Variants in RGMA observed in about 807,000 individuals in gnomAD.
RGMA encodes the protein repulsive guidance molecule BMP co-receptor a.
RGMA carries 10 observed loss-of-function variants against 23.2 expected under a neutral mutation model. The observed-to-expected ratio is 0.43, with a 90% CI of 0.27 to 0.73. The LOEUF (loss-of-function observed/expected upper bound fraction) is 0.73, where lower values mean the gene tolerates loss of function less well. Ranked by LOEUF, RGMA falls within the 30% of genes least tolerant of loss-of-function variation. The pLI, the probability that RGMA is intolerant of heterozygous loss-of-function variation, is 0.20. For missense variants in RGMA, 547 were observed against 630.5 expected (o/e 0.87, Z 1.42); for synonymous variants, 308 against 279.3 (o/e 1.10, Z -1.03).
chr15:93,058,062 G>A (rs2055042198), intron 2 of RGMA, among the ~76,000 whole-genome samples: 1 of 152,132 alleles, frequency 6.6e-6, no homozygotes, highest in African/African-American at 2.4e-5. Context: ...AGAAACTCTG[G>A]GTCCTGAAGC....
chr15:93,036,046 T>C lies in RGMA; in HGVS notation c.*8952A>G, dbSNP rs1596467655. ...GGGCCCCCTCCCCACACTGCACGTGTAACTCGTGTTGTTACATATGTAAGT... is the reference window on the plus strand; with the variant it reads ...GGGCCCCCTCCCCACACTGCACGTGCAACTCGTGTTGTTACATATGTAAGT... On this transcript the variant is annotated 3_prime_UTR_variant, in exon 4 of 4. Transcript: ENST00000329082. 1 of 152,254 alleles carries C rather than the reference T, an allele frequency of 6.6e-6. No homozygotes were observed. Among genetic ancestry groups the C allele is most frequent in the African/African-American group, 2.4e-5 (1 of 41,444 alleles). 9.4% of individuals were successfully genotyped at this position (152,254 alleles called of 1,614,324 possible). A position where few individuals can be genotyped will look rare whatever the true frequency, so the allele number is the denominator to read the frequency against.
rs764968962 is a variant in RGMA, at chr15:93,052,109, G to C, written c.529C>G (p.Arg177Gly). The change falls in exon 3 of 4, where the codon CGC becomes GGC. Residue 177 changes from arginine to glycine, a missense_variant. Physicochemically the swap from Arg to Gly is moderately radical, Grantham distance 125. Transcript: ENST00000329082. ...CCCTGCACCTTGCAGGTCTGGAAGC[G>C]GTCGGTGAAAGTCCTGAGGTGTGGG... ...GDPHLRTFTD[R>G]FQTCKVQGAW... The C allele has an allele frequency of 6.2e-7, 1 of 1,613,800 alleles. No homozygotes were observed.
intron 2 of RGMA, among the ~76,000 whole-genome samples, chr15:93,067,562 G>T (rs941231593): frequency 2.0e-5 from 3 of 152,170 alleles, no homozygotes; most frequent in Non-Finnish European, 4.4e-5. Context: ...GGCGTCGGGG[G>T]GGTCTGCACT....
At chr15:93,065,042 A>T (rs1356226398) in intron 2 of RGMA, among the ~76,000 whole-genome samples, 2 of 149,684 alleles carry the variant, frequency 1.3e-5, no homozygotes, top group Non-Finnish European at 3.0e-5. Flanking sequence ...CAGCAGTGGG[A>T]TCTCGGCTCA....
At chr15:93,075,759 TAGG>T (rs1400028740) in intron 1 of RGMA, among the ~76,000 whole-genome samples, 1 of 152,162 alleles carries the variant, frequency 6.6e-6, no homozygotes, top group African/African-American at 2.4e-5. Context: ...GCTGCCTTTT[TAGG>T]AGGAGACCCC....
At chr15:93,051,207 G>C (rs1183302209) in intron 3 of RGMA, among the ~76,000 whole-genome samples, 1 of 152,226 alleles carries the variant, frequency 6.6e-6, no homozygotes, top group African/African-American at 2.4e-5. Flanking sequence ...AGGTCACCTC[G>C]CTGTCCTCCT....
intron 2 of RGMA, chr15:93,066,511 CGACT>C (rs1895158489): frequency 4.0e-6 from 2 of 494,362 alleles, no homozygotes; most frequent in Non-Finnish European, 3.8e-6. Flanking sequence ...GGGCCCGAGG[CGACT>C]CCGCCCCTGC....
chr15:93,066,383 A>G, intron 2 of RGMA: 1 of 699,494 alleles, frequency 1.4e-6, no homozygotes, highest in Non-Finnish European at 2.7e-6. Flanking sequence ...TGTTCGCGTG[A>G]CTCCAGGTGG....
chr15:93,084,974 T>G (rs1891883461), intron 1 of RGMA, among the ~76,000 whole-genome samples: 1 of 152,070 alleles, frequency 6.6e-6, no homozygotes, highest in African/African-American at 2.4e-5. Flanking sequence ...CCTAATCTTG[T>G]TTAAAGACAT....
At chr15:93,073,402 G>C (rs1346732575) in intron 1 of RGMA, among the ~76,000 whole-genome samples, 5 of 151,980 alleles carry the variant, frequency 3.3e-5, no homozygotes, top group Admixed American at 6.6e-5. Flanking sequence ...CACGCTCCCC[G>C]ACCCTCGCGC....
chr15:93,057,972 C>A (rs72767220), intron 2 of RGMA, among the ~76,000 whole-genome samples: 14,473 of 152,122 alleles, frequency 0.095, 779 homozygotes, highest in Middle Eastern at 0.22. Flanking sequence ...CTGCCTGTCA[C>A]AACCCCTTCC....
chr15:93,058,380 C>T (rs916013315), intron 2 of RGMA, among the ~76,000 whole-genome samples: 3 of 152,170 alleles, frequency 2.0e-5, no homozygotes, highest in Non-Finnish European at 1.5e-5. Flanking sequence ...CAGGCATGCA[C>T]GGGCACCTCA....
At position 93,081,558 on chromosome 15, in the gene RGMA, CT is replaced by C. The variant is rs1272129583; in HGVS notation, c.14+7360del. Among the ~76,000 whole-genome samples, 4 of 152,294 alleles carry C rather than the reference CT, an allele frequency of 2.6e-5. No homozygotes were observed. The South Asian group carries it at 8.3e-4, about 32-fold the overall frequency. ...GTAAAAGAGAACAGACCACACAGCG[CT>C]TATGTCTCCCCATTCCGGTAAGTTC... On this transcript the variant is annotated intron_variant, in intron 1 of 3. Transcript: ENST00000329082.
chr15:93,044,896 C>T lies in RGMA; in HGVS notation c.*102G>A. On this transcript the variant is annotated 3_prime_UTR_variant, in exon 4 of 4. Coordinates refer to ENST00000329082, the MANE Select transcript of RGMA (RefSeq NM_020211.3). The stretch of plus-strand genomic sequence containing the variant: ...GGCGGTCCCTGGCGTTCTGCGGGGC[C>T]ATGGTGGACACGCCAGGAGATCTGC... 2 of 987,128 alleles carry T rather than the reference C, an allele frequency of 2.0e-6. No homozygotes were observed. The highest frequency in any genetic ancestry group is 3.0e-6 in the Non-Finnish European group (2 of 674,102). The allele number at this position is 987,128 out of a possible 1,614,324, so 61.1% of individuals were successfully genotyped here.
intron 2 of RGMA, chr15:93,065,635 C>T (rs983624833): frequency 2.2e-6 from 2 of 911,368 alleles, no homozygotes; most frequent in African/African-American, 1.7e-5. Flanking sequence ...GGGCTGAGGT[C>T]TCAGGGGCTG....
intron 2 of RGMA, 82 bp downstream of exon 2, chr15:93,072,834 G>C: frequency 1.4e-6 from 2 of 1,461,024 alleles, no homozygotes; most frequent in Non-Finnish European, 9.3e-7. Context: ...ACTTGAGCCC[G>C]GACTCACTCG....
chr15:93,054,065 A>T (rs1251202933), intron 2 of RGMA, among the ~76,000 whole-genome samples: 1 of 151,964 alleles, frequency 6.6e-6, no homozygotes. Context: ...CCCCTTCTCT[A>T]CCAAAAATAC....
Position 93,089,057 on chromosome 15 carries a change from C to T in RGMA, c.-125G>A. ...TCCGCTGGCGCTGGTCCCCGCCGCC[C>T]CGGCCGGCTCAGCAGCGGCCCGGGG... is the stretch of plus-strand genomic sequence containing the variant. On this transcript the variant is annotated 5_prime_UTR_variant, in exon 1 of 4. Coordinates refer to ENST00000329082, the MANE Select transcript of RGMA (RefSeq NM_020211.3). 1.9e-6 allele frequency: 1 copy of T among 513,186 alleles called. No individual in the cohort carries two copies. The allele number at this position is 513,186 out of a possible 1,614,324, so 31.8% of individuals were successfully genotyped here.
intron 1 of RGMA, among the ~76,000 whole-genome samples, chr15:93,079,213 T>A (rs1895519705): frequency 6.6e-6 from 1 of 152,248 alleles, no homozygotes; most frequent in Non-Finnish European, 1.5e-5. Context: ...TCCTATTTTT[T>A]ATTTCTTGTC....
Sources: gnomAD v4.1 joint callset for allele counts (sites outside exome capture counted in the v4.1 genomes callset) on GRCh38, gnomAD v4.1.1 for gene constraint, MANE v1.5 for transcripts, NCBI Gene and HGNC (gene_info 2026-07-23, HGNC 2026-07-21) for gene names.